Variants in RP2 observed in about 807,000 individuals in gnomAD.
RP2 encodes the protein RP2 activator of ARL3 GTPase.
Under a neutral mutation model 20.3 loss-of-function variants are expected in RP2, and 3 were observed. That is an observed-to-expected ratio of 0.15 (90% CI 0.07 to 0.38). The LOEUF is 0.38. RP2 is among the 10% of genes least tolerant of loss of function. The pLI, the probability that RP2 is intolerant of heterozygous loss-of-function variation, is 1.00. For synonymous variants in RP2, 75 were observed against 94.8 expected, an observed-to-expected ratio of 0.79 and a Z score of 1.22; for missense variants, 233 against 268.5, an observed-to-expected ratio of 0.87 and a Z score of 0.92.
chrX:46,857,253 G>A (rs782442763), intron 2 of RP2, among the ~76,000 whole-genome samples: 16 of 111,700 alleles, frequency 1.4e-4, no homozygotes, highest in African/African-American at 5.2e-4. Flanking sequence ...ACTAGACTTT[G>A]GTTTTCTCAC....
intron 1 of RP2, among the ~76,000 whole-genome samples, chrX:46,843,093 C>T (rs1202696643): frequency 1.9e-5 from 2 of 106,864 alleles, no homozygotes; most frequent in Non-Finnish European, 3.9e-5. Flanking sequence ...CTGCAAGCTC[C>T]GCCTCCCGGG....
At chrX:46,865,865 T>G (rs1324794764) in intron 3 of RP2, among the ~76,000 whole-genome samples, 1 of 110,023 alleles carries the variant, frequency 9.1e-6, no homozygotes, top group Non-Finnish European at 1.9e-5. Flanking sequence ...GAGGCGGAGA[T>G]TGCAGTGAGC....
chrX:46,847,722 G>A (rs868981137), intron 1 of RP2, among the ~76,000 whole-genome samples: 4 of 73,528 alleles, frequency 5.4e-5, no homozygotes, highest in African/African-American at 1.0e-4. Flanking sequence ...ACACATATAT[G>A]TGTGTGTGTA....
In RP2 at chrX:46,869,075, G is replaced by T. The variant is rs577897687; in HGVS notation, c.884-8430G>T. Among the ~76,000 whole-genome samples the T allele has an allele frequency of 8.4e-4, 92 of 109,860 alleles. 1 individual carries two copies. In the South Asian group the frequency reaches 0.033, roughly 39 times the overall value. ...GATCACATCACTGCACTCCAGCCTT[G>T]GGGGGAGTGACCCAAGGAGATCCTG... On this transcript the variant is annotated intron_variant, in intron 3 of 4. Coordinates refer to ENST00000218340, the MANE Select transcript of RP2 (RefSeq NM_006915.3).
intron 3 of RP2, among the ~76,000 whole-genome samples, chrX:46,867,902 T>C (rs1925204038): frequency 8.9e-6 from 1 of 112,509 alleles, no homozygotes; most frequent in Admixed American, 9.5e-5. Context: ...CATTTATCTG[T>C]TGATGGGCAA....
At chrX:46,863,607 G>A (rs979625205) in intron 3 of RP2, among the ~76,000 whole-genome samples, 6 of 111,491 alleles carry the variant, frequency 5.4e-5, no homozygotes, top group Non-Finnish European at 1.1e-4. Context: ...AGACATTTTA[G>A]GCCAGGTAAT....
intron 1 of RP2, among the ~76,000 whole-genome samples, chrX:46,852,268 G>GAGGAAGGA (rs1336044410): frequency 9.0e-6 from 1 of 110,905 alleles, no homozygotes; most frequent in African/African-American, 3.3e-5. Context: ...GGGAGGGAGG[G>GAGGAAGGA]AGGAAGGAAG....
intron 1 of RP2, among the ~76,000 whole-genome samples, chrX:46,852,244 AAGGAAGAG>A (rs1197336548): frequency 9.1e-6 from 1 of 109,899 alleles, no homozygotes; most frequent in Non-Finnish European, 1.9e-5. Context: ...GAAGGAAGGG[AAGGAAGAG>A]AGGAAGGGAG....
chrX:46,858,577 C>A (rs1446796933), intron 2 of RP2, among the ~76,000 whole-genome samples: 1 of 109,359 alleles, frequency 9.1e-6, no homozygotes, highest in Non-Finnish European at 1.9e-5. Context: ...CTTAAGGGAT[C>A]CTCCCACCTC....
At chrX:46,872,616 A>G (rs1925310560) in intron 3 of RP2, among the ~76,000 whole-genome samples, 2 of 111,638 alleles carry the variant, frequency 1.8e-5, no homozygotes, top group South Asian at 3.7e-4. Flanking sequence ...TATATTCTTA[A>G]TTCTTCCTTC....
chrX:46,867,920 G>A (rs782560207), intron 3 of RP2, among the ~76,000 whole-genome samples: 1 of 112,210 alleles, frequency 8.9e-6, no homozygotes, highest in African/African-American at 3.2e-5. Context: ...CAATTAGGCC[G>A]ATTTCATATT....
intron 1 of RP2, among the ~76,000 whole-genome samples, chrX:46,842,727 T>G (rs1556315158): frequency 8.9e-6 from 1 of 111,905 alleles, no homozygotes; most frequent in Non-Finnish European, 1.9e-5. Flanking sequence ...AGCCACAATA[T>G]TTAGCCTTTT....
At chrX:46,879,076 A>C (rs1422107903) in intron 4 of RP2, among the ~76,000 whole-genome samples, 1 of 98,332 alleles carries the variant, frequency 1.0e-5, no homozygotes, top group African/African-American at 3.6e-5. Context: ...AAAAAAAAAA[A>C]AAAAAAAAAA....
At chrX:46,859,614 T>G (rs1925029720) in intron 2 of RP2, among the ~76,000 whole-genome samples, 1 of 112,187 alleles carries the variant, frequency 8.9e-6, no homozygotes, top group Non-Finnish European at 1.9e-5. Flanking sequence ...TGTAATGAAC[T>G]GTGGCATTTC....
intron 3 of RP2, among the ~76,000 whole-genome samples, chrX:46,864,642 C>T (rs1384705310): frequency 1.8e-5 from 2 of 111,210 alleles, no homozygotes; most frequent in Non-Finnish European, 3.8e-5. Flanking sequence ...AGCTCCTGGG[C>T]TCATGTGATG....
At chrX:46,862,593 G>A (rs181390007) in intron 3 of RP2, among the ~76,000 whole-genome samples, 14 of 110,678 alleles carry the variant, frequency 1.3e-4, no homozygotes, top group Admixed American at 1.3e-3. Flanking sequence ...CCGGGAGGTG[G>A]AGCTTGCAGT....
rs1357783750 is a variant in RP2, at chrX:46,866,927, A to G, written c.883+6825A>G. Among the ~76,000 whole-genome samples, 4 of 111,456 alleles carry G rather than the reference A, an allele frequency of 3.6e-5. 1 individual carries two copies. The highest frequency in any genetic ancestry group is 9.3e-3 in the Middle Eastern group (2 of 215). On this transcript the variant is annotated intron_variant, in intron 3 of 4. Transcript: ENST00000218340. The stretch of plus-strand genomic sequence containing the variant: ...CTTGTGTGGCCCCTTTAGTCAGTCA[A>G]CCACAACTCCTGGCAACTGATTTGT...
intron 1 of RP2, among the ~76,000 whole-genome samples, chrX:46,845,264 C>T (rs1266659839): frequency 9.0e-6 from 1 of 111,367 alleles, no homozygotes; most frequent in Non-Finnish European, 1.9e-5. Flanking sequence ...ACTATTTGTC[C>T]TGTTCATTTT....
intron 1 of RP2, 138 bp downstream of exon 1, chrX:46,837,340 C>A (rs1924531216): frequency 1.5e-6 from 1 of 681,986 alleles, no homozygotes; most frequent in Non-Finnish European, 2.3e-6. Context: ...TCGGGGTGCA[C>A]GACTTTTTTG....
Sources: gnomAD v4.1 joint callset for allele counts (sites outside exome capture counted in the v4.1 genomes callset) on GRCh38, gnomAD v4.1.1 for gene constraint, MANE v1.5 for transcripts, NCBI Gene and HGNC (gene_info 2026-07-23, HGNC 2026-07-21) for gene names.